CEP295: variants seen among roughly 807,000 people sequenced by gnomAD.
The protein encoded by CEP295 is centrosomal protein of 295 kDa.
Under a neutral mutation model 291.6 loss-of-function variants are expected in CEP295, and 190 were observed. That is an observed-to-expected ratio of 0.65 (90% CI 0.58 to 0.73). The LOEUF is 0.73. CEP295 is among the 30% of genes least tolerant of loss of function. The pLI is 0.00. For missense variants in CEP295, 2,863 were observed against 2,949.4 expected, an observed-to-expected ratio of 0.97 and a Z score of 0.68; for synonymous variants, 993 against 1,038.8, an observed-to-expected ratio of 0.96 and a Z score of 0.85.
At position 93,729,500 on chromosome 11, in the gene CEP295, T is replaced by C. The variant is rs759446718; in HGVS notation, c.7369T>C (p.Ser2457Pro). Reference protein sequence around the residue: ...ASDYPAVSELSIEKPRTASTE... With the variant: ...ASDYPAVSELPIEKPRTASTE... The stretch of plus-strand genomic sequence containing the variant: ...AGATTATCCAGCTGTATCAGAACTT[T>C]CCATAGAAAAACCAAGGACAGCATC... The change falls in exon 26 of 30, where the codon TCC becomes CCC. Residue 2457 changes from serine to proline, a missense_variant. By Grantham distance (74) the Ser-to-Pro change is moderately conservative (BLOSUM62 -1). Transcript: ENST00000325212. The C allele has an allele frequency of 6.1e-5, 94 of 1,551,766 alleles. No homozygotes were observed. Among genetic ancestry groups the C allele is most frequent in the Non-Finnish European group, 7.8e-5 (89 of 1,147,032 alleles).
chr11:93,678,595 A>G (rs1057417860), intron 6 of CEP295, among the ~76,000 whole-genome samples: 1 of 152,200 alleles, frequency 6.6e-6, no homozygotes, highest in African/African-American at 2.4e-5. Flanking sequence ...TTACATTTAG[A>G]ATATTTACCT....
intron 10 of CEP295, among the ~76,000 whole-genome samples, chr11:93,688,544 T>C (rs1951359399): frequency 6.8e-6 from 1 of 147,852 alleles, no homozygotes; most frequent in African/African-American, 2.5e-5. Context: ...TTGAAGTATT[T>C]TCTTCCCTTG....
In CEP295 at chr11:93,723,138, A is replaced by G. The variant is rs1591156937; in HGVS notation, c.6045A>G (p.Gln2015=). The G allele has an allele frequency of 6.4e-7, 1 of 1,552,082 alleles. No homozygotes were observed. The change falls in exon 21 of 30, where the codon CAA becomes CAG. Residue 2015 remains glutamine, a synonymous_variant. Coordinates refer to ENST00000325212, the MANE Select transcript of CEP295 (RefSeq NM_033395.2). ...TAAGTTCCATAGTTCCTTCAACACA[A>G]GATATTTATCAGCGGCAGAACTCTT... The part of the protein sequence containing the change: ...NIISSIVPST[Q]DIYQRQNSSD...
chr11:93,726,680 TTC>T (rs1331287199), intron 23 of CEP295: 7 of 238,722 alleles, frequency 2.9e-5, no homozygotes, highest in African/African-American at 1.1e-4. Context: ...GGATGCTTTA[TTC>T]TCTTTTCTGT....
In CEP295 at chr11:93,699,166, A is replaced by C. The variant is rs1952005732; in HGVS notation, c.4254A>C (p.Glu1418Asp). The C allele has an allele frequency of 1.3e-6, 2 of 1,551,750 alleles. No homozygotes were observed. The highest frequency in any genetic ancestry group is 1.7e-6 in the Non-Finnish European group (2 of 1,147,068). Residue 1418 changes from glutamate to aspartate, a missense_variant, in exon 15 of 30, where the codon GAA becomes GAC. Physicochemically the swap from Glu to Asp is conservative, Grantham distance 45. Coordinates refer to ENST00000325212, the MANE Select transcript of CEP295 (RefSeq NM_033395.2). Reference protein sequence around the residue: ...LPLNESERNQEPCSINSDNIV... With the variant: ...LPLNESERNQDPCSINSDNIV... ...TTAATGAATCTGAAAGAAACCAAGA[A>C]CCATGTTCAATTAACAGTGATAATA...
At chr11:93,709,954 A>C (rs1291661102) in intron 18 of CEP295, among the ~76,000 whole-genome samples, 1 of 152,186 alleles carries the variant, frequency 6.6e-6, no homozygotes. Flanking sequence ...TGCTTTTGGC[A>C]TATAGAAATG....
At position 93,684,138 on chromosome 11, in the gene CEP295, C is replaced by T; in HGVS notation, c.1114+10C>T. On this transcript the variant is annotated intron_variant, in intron 9 of 29. Coordinates refer to ENST00000325212, the MANE Select transcript of CEP295 (RefSeq NM_033395.2). ...TCTAGTGAAACAGATGGTAAAAACC[C>T]TTCTGAGCTAAATATTACAGTATTT... The T allele has an allele frequency of 6.5e-7, 1 of 1,548,128 alleles. No individual in the cohort carries two copies. The highest frequency in any genetic ancestry group is 8.7e-7 in the Non-Finnish European group (1 of 1,145,576).
chr11:93,666,690 T>G lies in CEP295; in HGVS notation c.-18T>G. 7.7e-7 allele frequency: 1 copy of G among 1,299,666 alleles called. No homozygotes were observed. The allele number at this position is 1,299,666 out of a possible 1,614,324, so 80.5% of individuals were successfully genotyped here. ...TTCCTTTTTGAATTCAGAACTGTCATACATAAAGTACACAGAAATGAAGAG... is the reference window on the plus strand; with the variant it reads ...TTCCTTTTTGAATTCAGAACTGTCAGACATAAAGTACACAGAAATGAAGAG... On this transcript the variant is annotated 5_prime_UTR_variant, in exon 2 of 30. Coordinates refer to ENST00000325212, the MANE Select transcript of CEP295 (RefSeq NM_033395.2).
chr11:93,667,277 C>G (rs186923023), intron 2 of CEP295, among the ~76,000 whole-genome samples: 1 of 152,362 alleles, frequency 6.6e-6, no homozygotes, highest in Non-Finnish European at 1.5e-5. Flanking sequence ...TCATCTGGCT[C>G]TGTCTGTACT....
rs763108226 is a variant in CEP295 at position 93,669,754 on chromosome 11, C to G, written c.512C>G (p.Pro171Arg). ...SAKITSLPPP[P>R]PTLFENIEVK... is the part of the protein sequence containing the mutation. ...AAAATTACAAGTCTGCCACCTCCTC[C>G]TCCAACTCTTTTTGAGGTGAGTTTG... The change falls in exon 5 of 30, where the codon CCT becomes CGT. Residue 171 changes from proline (P) to arginine (R), a missense_variant. This residue lies in a region of CEP295 where 554 missense variants were observed against 576.0 expected (regional missense o/e 0.96). Coordinates refer to ENST00000325212, the MANE Select transcript of CEP295 (RefSeq NM_033395.2). The G allele has an allele frequency of 5.2e-6, 8 of 1,549,798 alleles. No homozygotes were observed. The highest frequency in any genetic ancestry group is 7.0e-6 in the Non-Finnish European group (8 of 1,145,546).
At position 93,697,230 on chromosome 11, in the gene CEP295, G is replaced by C. The variant is rs755738914; in HGVS notation, c.2318G>C (p.Ser773Thr). 1 of 1,551,584 alleles carries C rather than the reference G, an allele frequency of 6.4e-7. No homozygotes were observed. Among genetic ancestry groups the C allele is most frequent in the Non-Finnish European group, 8.7e-7 (1 of 1,146,988 alleles). Residue 773 changes from serine to threonine, a missense_variant, in exon 15 of 30, where the codon AGT (serine) becomes ACT (threonine). This residue lies in a region of CEP295 where 2,295 missense variants were observed against 2,335.7 expected (regional missense o/e 0.98). Coordinates refer to ENST00000325212, the MANE Select transcript of CEP295 (RefSeq NM_033395.2). ...LESQQLFSEN[S>T]ENISYHLTEP... ...TCCCAACAATTGTTCTCAGAGAATA[G>C]TGAAAATATATCTTACCATTTAACT...
rs1289692625 is a variant in CEP295 at position 93,697,004 on chromosome 11, A to G, written c.2092A>G (p.Ile698Val). The G allele has an allele frequency of 6.4e-7, 1 of 1,551,532 alleles. No individual in the cohort carries two copies. Among genetic ancestry groups the G allele is most frequent in the African/African-American group, 1.4e-5 (1 of 73,068 alleles). ...AACAGAAACATTACGCGCTTCAGAT[A>G]TTTTAACCAATCAAGCTTTAGAATC... ...ETTETLRASD[I>V]LTNQALESQE... Residue 698 changes from isoleucine to valine, a missense_variant, in exon 15 of 30, where the codon ATT (isoleucine) becomes GTT (valine). Ile to Val is a conservative substitution (Grantham distance 29). Around this residue, in one of 3 missense-constraint regions of CEP295, gnomAD observed 2,295 missense variants for 2,335.7 expected, o/e 0.98. Coordinates refer to ENST00000325212, the MANE Select transcript of CEP295 (RefSeq NM_033395.2).
chr11:93,684,054 T>G lies in CEP295; in HGVS notation c.1040T>G (p.Met347Arg). The G allele has an allele frequency of 6.4e-7, 1 of 1,551,738 alleles. No homozygotes were observed. Among genetic ancestry groups the G allele is most frequent in the Non-Finnish European group, 8.7e-7 (1 of 1,147,000 alleles). The change falls in exon 9 of 30, where the codon ATG (methionine) becomes AGG (arginine). Residue 347 changes from methionine to arginine, a missense_variant. Coordinates refer to ENST00000325212, the MANE Select transcript of CEP295 (RefSeq NM_033395.2). ...CAAGATGAAGAGCTGGACCTTTCAA[T>G]GGAACAAGAAAATTTGGGTGCAGCT... ...QIQDEELDLS[M>R]EQENLGAAED...
At chr11:93,675,827 G>T (rs139596729) in intron 6 of CEP295, among the ~76,000 whole-genome samples, 161 bp downstream of exon 6, 33 of 152,136 alleles carry the variant, frequency 2.2e-4, no homozygotes, top group Non-Finnish European at 4.3e-4. Flanking sequence ...TTCATGTCAG[G>T]CATATGATGG....
At chr11:93,727,726 C>A in intron 24 of CEP295, 89 bp downstream of exon 24, 2 of 1,042,384 alleles carry the variant, frequency 1.9e-6, no homozygotes, top group Non-Finnish European at 2.7e-6. Context: ...GAAGTTCCCA[C>A]TATGCTACCC....
chr11:93,680,262 A>G (rs1044430904), intron 7 of CEP295, among the ~76,000 whole-genome samples: 3 of 152,168 alleles, frequency 2.0e-5, no homozygotes, highest in Non-Finnish European at 2.9e-5. Context: ...AGCCTGGGCC[A>G]CAGAGCGAGA....
chr11:93,721,830 T>C (rs1476278835), intron 19 of CEP295, 124 bp from the exon 20 acceptor site: 2 of 746,210 alleles, frequency 2.7e-6, no homozygotes, highest in South Asian at 3.0e-5. Flanking sequence ...TACTGATCTT[T>C]GTAACTATGA....
At position 93,727,372 on chromosome 11, in the gene CEP295, T is replaced by C. The variant is rs1341738260; in HGVS notation, c.6896T>C (p.Ile2299Thr). The C allele has an allele frequency of 2.6e-6, 4 of 1,551,478 alleles. No homozygotes were observed. The highest frequency in any genetic ancestry group is 1.7e-4 in the Middle Eastern group (1 of 5,986). The change falls in exon 24 of 30, where the codon ATT (isoleucine) becomes ACT (threonine). Residue 2299 changes from isoleucine to threonine, a missense_variant. Around this residue, in one of 3 missense-constraint regions of CEP295, gnomAD observed 2,295 missense variants for 2,335.7 expected, o/e 0.98. Transcript: ENST00000325212. ...VVTMLQSQGL[I>T]EDNKNETCRV... is the part of the protein sequence containing the mutation. ...ACAATGTTACAAAGTCAAGGACTCATTGAAGATAATAAAAATGAAACCTGT... is the reference window on the plus strand; with the variant it reads ...ACAATGTTACAAAGTCAAGGACTCACTGAAGATAATAAAAATGAAACCTGT...
Position 93,706,803 on chromosome 11 carries a change from A to G in CEP295, c.5655A>G (p.Gln1885=). Residue 1885 remains glutamine, a synonymous_variant, in exon 18 of 30, where the codon CAA becomes CAG. Transcript: ENST00000325212. ...DPLRVSISRE[Q]SFFGSPLAHD... Reference sequence around the variant, plus strand: ...TGCGAGTCTCAATAAGCCGAGAACAAAGTTTCTTTGGGAGCCCACTGGCCC... The same window carrying G: ...TGCGAGTCTCAATAAGCCGAGAACAGAGTTTCTTTGGGAGCCCACTGGCCC... The G allele has an allele frequency of 6.4e-7, 1 of 1,550,682 alleles. No homozygotes were observed. The highest frequency in any genetic ancestry group is 8.7e-7 in the Non-Finnish European group (1 of 1,146,478).
Sources: gnomAD v4.1 joint callset for allele counts (sites outside exome capture counted in the v4.1 genomes callset) on GRCh38, gnomAD v4.1.1 for gene constraint, gnomAD v4.1.1 regional missense constraint, MANE v1.5 for transcripts, NCBI Gene and HGNC (gene_info 2026-07-23, HGNC 2026-07-21) for gene names.